SART3: variants seen among roughly 807,000 people sequenced by gnomAD.
SART3 encodes the protein spliceosome associated factor 3, U4/U6 recycling protein, also known as HIV-1 Tat-interacting protein of 110kDa.
In SART3, 44 loss-of-function variants were observed where a neutral mutation model predicts 122.3. That is an observed-to-expected ratio of 0.36 (90% CI 0.28 to 0.46). The LOEUF (loss-of-function observed/expected upper bound fraction) is 0.46, where lower values mean the gene tolerates loss of function less well. SART3 is among the 20% of genes least tolerant of loss of function. SART3 has a pLI of 1.00. For synonymous variants in SART3, 442 were observed against 454.0 expected (o/e 0.97, Z 0.34); for missense variants, 1,101 against 1,229.0 (o/e 0.90, Z 1.56).
At chr12:108,540,934 CA>C (rs1342715678) in intron 6 of SART3, among the ~76,000 whole-genome samples, 3 of 152,186 alleles carry the variant, frequency 2.0e-5, no homozygotes, top group Non-Finnish European at 4.4e-5. Flanking sequence ...ACTCAAAAAT[CA>C]ATCCCAGGTG....
intron 15 of SART3, among the ~76,000 whole-genome samples, chr12:108,529,271 T>C (rs189344515): frequency 4.3e-4 from 65 of 152,188 alleles, no homozygotes; most frequent in African/African-American, 1.5e-3. Context: ...GTAAATATGG[T>C]CATAAATATG....
At chr12:108,539,560 A>C (rs891439191) in intron 6 of SART3, among the ~76,000 whole-genome samples, 2 of 152,246 alleles carry the variant, frequency 1.3e-5, no homozygotes, top group Non-Finnish European at 2.9e-5. Context: ...CAGAAGATGA[A>C]GGCAGCTGTG....
chr12:108,536,818 A>T (rs1872928365), intron 9 of SART3, 33 bp from the exon 10 acceptor site: 1 of 1,589,908 alleles, frequency 6.3e-7, no homozygotes, highest in African/African-American at 1.3e-5. Flanking sequence ...GCTTTAGGAA[A>T]CCACATAGCC....
intron 14 of SART3, 23 bp downstream of exon 14, chr12:108,531,181 A>G (rs1260496433): frequency 6.2e-7 from 1 of 1,610,026 alleles, no homozygotes; most frequent in Non-Finnish European, 8.5e-7. Context: ...AGAGGTGCCA[A>G]AGACTTCAAA....
Position 108,526,357 on chromosome 12 carries a change from G to C in SART3, c.2112C>G (p.Ile704Met). 2 of 1,613,954 alleles carry C rather than the reference G, an allele frequency of 1.2e-6. No individual in the cohort carries two copies. The highest frequency in any genetic ancestry group is 1.7e-6 in the Non-Finnish European group (2 of 1,179,810). Residue 704 changes from isoleucine to methionine, a missense_variant, in exon 16 of 19, where the codon ATC (isoleucine) becomes ATG (methionine). This residue lies in a region of SART3 where 885 missense variants were observed against 1,080.1 expected (regional missense o/e 0.82). Transcript: ENST00000546815. ...AGGGCAGGTTGCTGACAAAGACGGT[G>C]ATGCTGTCCTTGCTGCTGTCGTGCA... ...KVLHDSSKDS[I>M]TVFVSNLPYS...
chr12:108,549,030 T>TA, intron 2 of SART3, 58 bp downstream of exon 2: 1 of 1,612,888 alleles, frequency 6.2e-7, no homozygotes, highest in Non-Finnish European at 8.5e-7. Context: ...TTCAACATTG[T>TA]AAAAAATGTG....
Position 108,537,110 on chromosome 12 carries a change from C to T in SART3, c.1310-325G>A, listed in dbSNP as rs930791108. 5 of 444,474 alleles carry T rather than the reference C, an allele frequency of 1.1e-5. No individual in the cohort carries two copies. In the East Asian group the frequency reaches 2.3e-4, roughly 21 times the overall value. 27.5% of individuals were successfully genotyped at this position (444,474 alleles called of 1,614,324 possible). Reference sequence around the variant, plus strand: ...GACAGCTGACATGAGTGTGCAAGTACAAGTTAGGGGTTTTCTGGTTGTTTT... The same window carrying T: ...GACAGCTGACATGAGTGTGCAAGTATAAGTTAGGGGTTTTCTGGTTGTTTT... On this transcript the variant is annotated intron_variant, in intron 9 of 18. Transcript: ENST00000546815.
At chr12:108,540,641 C>CAAAAAAAAAAAAAAAAAAAAAAAAA (rs36065481) in intron 6 of SART3, among the ~76,000 whole-genome samples, 1 of 125,868 alleles carries the variant, frequency 7.9e-6, no homozygotes, top group Non-Finnish European at 1.7e-5. Context: ...GCATTGAAGG[C>CAAAAAAAAAAAAAAAAAAAAAAAAA]AAAAAAAAAA....
intron 7 of SART3, among the ~76,000 whole-genome samples, chr12:108,538,471 A>G (rs536023934): frequency 6.6e-6 from 1 of 152,320 alleles, no homozygotes; most frequent in South Asian, 2.1e-4. Flanking sequence ...ACACTGAAAT[A>G]TTTTATATAC....
intron 1 of SART3, among the ~76,000 whole-genome samples, chr12:108,556,723 A>G (rs981406288): frequency 5.9e-5 from 9 of 152,252 alleles, no homozygotes; most frequent in Non-Finnish European, 8.8e-5. Flanking sequence ...AAAATCACCT[A>G]TCAAGTGTGT....
At chr12:108,536,841 A>AT (rs1157037122) in intron 9 of SART3, 56 bp from the exon 10 acceptor site, 7 of 1,520,096 alleles carry the variant, frequency 4.6e-6, no homozygotes, top group Non-Finnish European at 5.4e-6. Context: ...GCTTTGTTTT[A>AT]TTTTTTATCC....
chr12:108,558,950 A>G (rs892334188), intron 1 of SART3, among the ~76,000 whole-genome samples: 3 of 149,556 alleles, frequency 2.0e-5, no homozygotes, highest in African/African-American at 7.3e-5. Flanking sequence ...GGAGAATGGC[A>G]TGAACCCGGG....
chr12:108,552,366 T>C (rs2030041236), intron 1 of SART3, among the ~76,000 whole-genome samples: 1 of 151,938 alleles, frequency 6.6e-6, no homozygotes, highest in Non-Finnish European at 1.5e-5. Context: ...AGTTCTAGCC[T>C]GTTCAATAAG....
At chr12:108,549,294 A>G in intron 1 of SART3, 80 bp from the exon 2 acceptor site, 1 of 1,439,862 alleles carries the variant, frequency 6.9e-7, no homozygotes, top group South Asian at 1.2e-5. Flanking sequence ...GTAACTACAC[A>G]TATACCTGCC....
chr12:108,525,548 G>A lies in SART3; in HGVS notation c.2432C>T (p.Ser811Phe). 6.2e-7 allele frequency: 1 copy of A among 1,614,134 alleles called. No homozygotes were observed. The highest frequency in any genetic ancestry group is 8.5e-7 in the Non-Finnish European group (1 of 1,179,980). Residue 811 changes from serine (S) to phenylalanine (F), a missense_variant, in exon 17 of 19, where the codon TCC becomes TTC. By Grantham distance (155) the Ser-to-Phe change is radical. Around this residue, in one of 2 missense-constraint regions of SART3, gnomAD observed 885 missense variants for 1,080.1 expected, o/e 0.82. Coordinates refer to ENST00000546815, the MANE Select transcript of SART3 (RefSeq NM_014706.4). ...TTCTTCTAGTTCCTCTTTAGTACAG[G>A]AGAAAGGCAGGCCTGAGATGAACAG... ...HKLFISGLPF[S>F]CTKEELEEIC...
Position 108,524,471 on chromosome 12 carries a change from C to T in SART3, c.2559G>A (p.Gln853=). 2 of 1,614,202 alleles carry T rather than the reference C, an allele frequency of 1.2e-6. No homozygotes were observed. The highest frequency in any genetic ancestry group is 1.7e-6 in the Non-Finnish European group (2 of 1,180,036). Residue 853 remains glutamine (Q), a synonymous_variant, in exon 18 of 19, where the codon CAG becomes CAA. Coordinates refer to ENST00000546815, the MANE Select transcript of SART3 (RefSeq NM_014706.4). The stretch of plus-strand genomic sequence containing the variant: ...CCATCTTCATCACAGCCTGCGACGC[C>T]TGGGATTCATTTTCATACTCCACGT... ...LAYVEYENES[Q]ASQAVMKMDG...
At chr12:108,528,052 AC>A (rs1872473599) in intron 15 of SART3, among the ~76,000 whole-genome samples, 1 of 152,114 alleles carries the variant, frequency 6.6e-6, no homozygotes, top group Non-Finnish European at 1.5e-5. Context: ...GGCATGAGCT[AC>A]CGCGCCCAGC....
chr12:108,538,351 A>G, intron 7 of SART3, 148 bp from the exon 8 acceptor site: 1 of 941,768 alleles, frequency 1.1e-6, no homozygotes, highest in East Asian at 2.6e-5. Context: ...CAAAAAAATC[A>G]CTAAGGGGAG....
At chr12:108,556,006 A>G (rs1247714346) in intron 1 of SART3, among the ~76,000 whole-genome samples, 2 of 152,188 alleles carry the variant, frequency 1.3e-5, no homozygotes, top group African/African-American at 2.4e-5. Flanking sequence ...GAAAAACACT[A>G]TGGCTCAGGT....
Sources: gnomAD v4.1 joint callset for allele counts (sites outside exome capture counted in the v4.1 genomes callset) on GRCh38, gnomAD v4.1.1 for gene constraint, gnomAD v4.1.1 regional missense constraint, MANE v1.5 for transcripts, NCBI Gene and HGNC (gene_info 2026-07-23, HGNC 2026-07-21) for gene names.